UNC5C: variants seen among roughly 807,000 people sequenced by gnomAD.
UNC5C encodes netrin receptor UNC5C.
Under a neutral mutation model 99.8 loss-of-function variants are expected in UNC5C, and 47 were observed. The observed-to-expected ratio is 0.47, with a 90% CI of 0.37 to 0.60. The LOEUF is 0.60. Among genes scored for constraint, UNC5C ranks in the 20% least tolerant of loss-of-function variants. The pLI is 0.00. For missense variants in UNC5C, 1,062 were observed against 1,165.9 expected, an observed-to-expected ratio of 0.91 and a Z score of 1.30; for synonymous variants, 487 against 452.2, an observed-to-expected ratio of 1.08 and a Z score of -0.98.
intron 1 of UNC5C, among the ~76,000 whole-genome samples, chr4:95,362,258 C>G (rs66625786): frequency 0.13 from 20,393 of 152,098 alleles, 1,626 homozygotes; most frequent in African/African-American, 0.2. Flanking sequence ...TCCTGCCCAT[C>G]GGAGCGTTCC....
chr4:95,379,685 C>T (rs1456103673), intron 1 of UNC5C, among the ~76,000 whole-genome samples: 2 of 152,168 alleles, frequency 1.3e-5, no homozygotes, highest in African/African-American at 4.8e-5. Context: ...ATAGATCGAC[C>T]TCATTCCTTG....
intron 1 of UNC5C, among the ~76,000 whole-genome samples, chr4:95,431,816 G>A (rs1746644515): frequency 6.6e-6 from 1 of 151,998 alleles, no homozygotes; most frequent in South Asian, 2.1e-4. Flanking sequence ...CTGAAACACA[G>A]GGGACTTAAG....
intron 1 of UNC5C, among the ~76,000 whole-genome samples, chr4:95,393,845 C>A (rs1745428310): frequency 7.9e-6 from 1 of 126,816 alleles, no homozygotes; most frequent in Non-Finnish European, 1.7e-5. Flanking sequence ...CTTATACAAT[C>A]TACTGTTTTT....
intron 1 of UNC5C, among the ~76,000 whole-genome samples, chr4:95,492,270 CTCTT>C (rs1293333043): frequency 6.0e-5 from 9 of 151,260 alleles, no homozygotes; most frequent in African/African-American, 2.2e-4. Context: ...TAGCTCATAA[CTCTT>C]TATATGTGTT....
intron 14 of UNC5C, among the ~76,000 whole-genome samples, chr4:95,176,496 C>T (rs1736351037): frequency 6.6e-6 from 1 of 152,076 alleles, no homozygotes; most frequent in African/African-American, 2.4e-5. Context: ...GTTGGAATAC[C>T]TGGCCGTGTG....
intron 10 of UNC5C, among the ~76,000 whole-genome samples, chr4:95,213,450 C>T (rs1312294807): frequency 6.6e-6 from 1 of 151,944 alleles, no homozygotes; most frequent in East Asian, 1.9e-4. Context: ...AGCCTTGCAG[C>T]TCTGCACCCT....
rs1340536794 is a variant in UNC5C, at chr4:95,202,656, C to T, written c.2136+75G>A. ...GGGTGCACACACACAGCCACATCTC[C>T]AAGTGTGCACAGCCGTGCAAAACCT... On this transcript the variant is annotated intron_variant, in intron 12 of 15. Transcript: ENST00000453304. The T allele has an allele frequency of 4.2e-6, 6 of 1,422,406 alleles. No individual in the cohort carries two copies. In the African/African-American group the frequency reaches 8.5e-5, roughly 20 times the overall value. The allele number at this position is 1,422,406 out of a possible 1,614,324, so 88.1% of individuals were successfully genotyped here.
chr4:95,491,629 T>G (rs1357084023), intron 1 of UNC5C, among the ~76,000 whole-genome samples: 1 of 151,572 alleles, frequency 6.6e-6, no homozygotes, highest in South Asian at 2.1e-4. Context: ...TGCTAGTAAT[T>G]ACCACATCAG....
chr4:95,495,848 G>A lies in UNC5C; in HGVS notation c.124+52886C>T, dbSNP rs189361742. Among the ~76,000 whole-genome samples, 256 of 151,750 alleles carry A rather than the reference G, an allele frequency of 1.7e-3. 3 individuals carry two copies. The highest frequency in any genetic ancestry group is 3.9e-3 in the East Asian group (20 of 5,136). ...CAATCTGAAGGGCCAAAAAGGAGAA[G>A]AAAATTCAAAGATTTACTAAAGTTC... On this transcript the variant is annotated intron_variant, in intron 1 of 15. Transcript: ENST00000453304.
chr4:95,344,898 A>G (rs1303891196), intron 1 of UNC5C, among the ~76,000 whole-genome samples: 4 of 152,026 alleles, frequency 2.6e-5, no homozygotes, highest in Non-Finnish European at 5.9e-5. Context: ...AAAAACCTTC[A>G]CTAAAAGGAA....
intron 1 of UNC5C, among the ~76,000 whole-genome samples, chr4:95,353,140 T>C (rs1256684760): frequency 6.6e-6 from 1 of 152,206 alleles, no homozygotes; most frequent in Non-Finnish European, 1.5e-5. Flanking sequence ...AATCTATTAA[T>C]GATCTTCCCA....
At chr4:95,241,402 T>A (rs1481970115) in intron 7 of UNC5C, among the ~76,000 whole-genome samples, 1 of 152,224 alleles carries the variant, frequency 6.6e-6, no homozygotes, top group Non-Finnish European at 1.5e-5. Context: ...TAAGATATCT[T>A]TCTAAAGGTT....
At chr4:95,512,184 G>A (rs889404327) in intron 1 of UNC5C, among the ~76,000 whole-genome samples, 1 of 152,096 alleles carries the variant, frequency 6.6e-6, no homozygotes, top group African/African-American at 2.4e-5. Flanking sequence ...ACATTTAAAG[G>A]TTCAAGCTGG....
At chr4:95,382,376 G>A (rs1405298181) in intron 1 of UNC5C, among the ~76,000 whole-genome samples, 1 of 151,534 alleles carries the variant, frequency 6.6e-6, no homozygotes, top group African/African-American at 2.4e-5. Flanking sequence ...GGGAAGCTGA[G>A]GGAAGAAGAT....
intron 2 of UNC5C, among the ~76,000 whole-genome samples, chr4:95,312,282 TG>T (rs1742304732): frequency 1.3e-5 from 2 of 152,252 alleles, no homozygotes; most frequent in South Asian, 2.1e-4. Flanking sequence ...ATAAAATAGT[TG>T]TTCATTGAGC....
At chr4:95,242,941 G>T (rs1050837258) in intron 6 of UNC5C, among the ~76,000 whole-genome samples, 9 of 152,074 alleles carry the variant, frequency 5.9e-5, no homozygotes, top group Non-Finnish European at 1.2e-4. Flanking sequence ...AATTAGGAGG[G>T]CTCTCTTTGG....
chr4:95,307,920 T>C (rs1231575285), intron 2 of UNC5C, among the ~76,000 whole-genome samples: 1 of 152,116 alleles, frequency 6.6e-6, no homozygotes, highest in Non-Finnish European at 1.5e-5. Context: ...AAATTCAACA[T>C]CCTTTAATGA....
At chr4:95,509,533 C>T (rs890029356) in intron 1 of UNC5C, among the ~76,000 whole-genome samples, 1 of 151,782 alleles carries the variant, frequency 6.6e-6, no homozygotes, top group Non-Finnish European at 1.5e-5. Context: ...GACATCCATT[C>T]TTTTACATAA....
intron 1 of UNC5C, among the ~76,000 whole-genome samples, chr4:95,374,182 C>G (rs113469114): frequency 6.6e-6 from 1 of 152,042 alleles, no homozygotes; most frequent in South Asian, 2.1e-4. Context: ...CAGACTTGCC[C>G]TCAACATTTG....
Sources: gnomAD v4.1 joint callset for allele counts (sites outside exome capture counted in the v4.1 genomes callset) on GRCh38, gnomAD v4.1.1 for gene constraint, MANE v1.5 for transcripts, NCBI Gene and HGNC (gene_info 2026-07-23, HGNC 2026-07-21) for gene names.